Variants in LEPROT observed in about 807,000 individuals in gnomAD.
The protein encoded by LEPROT is leptin receptor gene-related protein.
LEPROT carries 3 observed loss-of-function variants against 15.4 expected under a neutral mutation model. The ratio of observed to expected loss-of-function variants is 0.19; its 90% CI spans 0.09 to 0.50. The LOEUF is 0.50. Among genes scored for constraint, LEPROT ranks in the 20% least tolerant of loss-of-function variants. The pLI is 0.97. For missense variants in LEPROT, 137 were observed against 162.2 expected, an observed-to-expected ratio of 0.84 and a Z score of 0.84; for synonymous variants, 59 against 57.5, an observed-to-expected ratio of 1.03 and a Z score of -0.12.
In LEPROT at chr1:65,432,159, C is replaced by T. The variant is rs1646494559; in HGVS notation, c.*240C>T. On this transcript the variant is annotated 3_prime_UTR_variant, in exon 4 of 4. Transcript: ENST00000371065. Reference sequence around the variant, plus strand: ...TTACTTGTTTGGCTGTTCATGTAGTCACGGTGCTCTCAGAAAATATATTAA... The same window carrying T: ...TTACTTGTTTGGCTGTTCATGTAGTTACGGTGCTCTCAGAAAATATATTAA... The T allele has an allele frequency of 6.0e-6, 7 of 1,162,544 alleles. No homozygotes were observed. The highest frequency in any genetic ancestry group is 7.4e-6 in the Non-Finnish European group (7 of 941,206). The allele number at this position is 1,162,544 out of a possible 1,614,324, so 72.0% of individuals were successfully genotyped here.
chr1:65,433,223 G>T lies in LEPROT; in HGVS notation c.*1304G>T. On this transcript the variant is annotated 3_prime_UTR_variant, in exon 4 of 4. Coordinates refer to ENST00000371065, the MANE Select transcript of LEPROT (RefSeq NM_017526.5). The stretch of plus-strand genomic sequence containing the variant: ...TTGCCCTGACTTCTCTACGGCTCTG[G>T]CTTCTTCCCGAAGAGATATAGGAGC... 1.0e-6 allele frequency: 1 copy of T among 985,374 alleles called. No homozygotes were observed. Among genetic ancestry groups the T allele is most frequent in the South Asian group, 4.7e-5 (1 of 21,282 alleles). 61.0% of individuals were successfully genotyped at this position (985,374 alleles called of 1,614,324 possible).
Position 65,433,112 on chromosome 1 carries a change from A to G in LEPROT, c.*1193A>G. On this transcript the variant is annotated 3_prime_UTR_variant, in exon 4 of 4. Transcript: ENST00000371065. ...AGCAGGAGGGGGAGAACAGATAGGTAACTCTTTTACATTTCCTTTATGATC... is the reference window on the plus strand; with the variant it reads ...AGCAGGAGGGGGAGAACAGATAGGTGACTCTTTTACATTTCCTTTATGATC... 1 of 985,366 alleles carries G rather than the reference A, an allele frequency of 1.0e-6. No individual in the cohort carries two copies. The highest frequency in any genetic ancestry group is 1.2e-6 in the Non-Finnish European group (1 of 829,932). 61.0% of individuals were successfully genotyped at this position (985,366 alleles called of 1,614,324 possible). A position where few individuals can be genotyped will look rare whatever the true frequency, so the allele number is the denominator to read the frequency against.
At chr1:65,428,756 A>C (rs888371097) in intron 2 of LEPROT, among the ~76,000 whole-genome samples, 9 of 152,228 alleles carry the variant, frequency 5.9e-5, no homozygotes, top group South Asian at 4.1e-4. Context: ...ATGAAGCATA[A>C]GAAATGTCTG....
intron 1 of LEPROT, chr1:65,421,561 C>T: frequency 7.7e-7 from 1 of 1,307,158 alleles, no homozygotes; most frequent in Non-Finnish European, 1.1e-6. Flanking sequence ...AAGATATCCC[C>T]AGTTAACATC....
chr1:65,431,743 A>C, intron 3 of LEPROT, 60 bp from the exon 4 acceptor site: 1 of 1,521,956 alleles, frequency 6.6e-7, no homozygotes, highest in Non-Finnish European at 8.9e-7. Context: ...AATAATAGGG[A>C]TTGCAAAGAG....
At position 65,420,760 on chromosome 1, in the gene LEPROT, T is replaced by C; in HGVS notation, c.16+20T>C. ...TTAAAGGTACATCGCGGTCCCCGGCTCGCTTGTCGTGTGGTGGGGTTGCCA... is the reference window on the plus strand; with the variant it reads ...TTAAAGGTACATCGCGGTCCCCGGCCCGCTTGTCGTGTGGTGGGGTTGCCA... On this transcript the variant is annotated intron_variant, in intron 1 of 3. Transcript: ENST00000371065. 6.3e-7 allele frequency: 1 copy of C among 1,576,850 alleles called. No homozygotes were observed. Among genetic ancestry groups the C allele is most frequent in the Non-Finnish European group, 8.6e-7 (1 of 1,162,966 alleles).
At position 65,420,714 on chromosome 1, in the gene LEPROT, G is replaced by A; in HGVS notation, c.-11G>A. ...GAAGCCGGAAGCAGCCGCGGCCCCA[G>A]TTCGGGAGACATGGCGGGCGTTAAA... On this transcript the variant is annotated 5_prime_UTR_variant, in exon 1 of 4. Transcript: ENST00000371065. 6.3e-7 allele frequency: 1 copy of A among 1,582,664 alleles called. No individual in the cohort carries two copies. Among genetic ancestry groups the A allele is most frequent in the Non-Finnish European group, 8.6e-7 (1 of 1,166,634 alleles).
intron 1 of LEPROT, among the ~76,000 whole-genome samples, chr1:65,422,545 A>T (rs1570408952): frequency 6.6e-6 from 1 of 152,224 alleles, no homozygotes; most frequent in African/African-American, 2.4e-5. Context: ...TGCAGGTGGG[A>T]TTGATTCCCC....
rs982595176 is a variant in LEPROT, at chr1:65,435,810, G to T, written c.*3891G>T. On this transcript the variant is annotated 3_prime_UTR_variant, in exon 4 of 4. Coordinates refer to ENST00000371065, the MANE Select transcript of LEPROT (RefSeq NM_017526.5). Reference sequence around the variant, plus strand: ...TGTCTGTAGTAGATAAATATTAGTTGTGCATTTTAATTTAATTCTCCTTTT... The same window carrying T: ...TGTCTGTAGTAGATAAATATTAGTTTTGCATTTTAATTTAATTCTCCTTTT... 5 of 982,486 alleles carry T rather than the reference G, an allele frequency of 5.1e-6. No individual in the cohort carries two copies. In the South Asian group the frequency reaches 2.4e-4, roughly 46 times the overall value. 60.9% of individuals were successfully genotyped at this position (982,486 alleles called of 1,614,324 possible).
rs1266094095 is a variant in LEPROT at position 65,435,252 on chromosome 1, G to T, written c.*3333G>T. The T allele has an allele frequency of 1.0e-6, 1 of 984,644 alleles. No homozygotes were observed. The highest frequency in any genetic ancestry group is 1.2e-6 in the Non-Finnish European group (1 of 829,532). The allele number at this position is 984,644 out of a possible 1,614,324, so 61.0% of individuals were successfully genotyped here. On this transcript the variant is annotated 3_prime_UTR_variant, in exon 4 of 4. Transcript: ENST00000371065. Reference sequence around the variant, plus strand: ...TCCTAAGGAAGTCCTTACCTCTGAGGTATCTCCTCAATGAATACTGTTTTC... The same window carrying T: ...TCCTAAGGAAGTCCTTACCTCTGAGTTATCTCCTCAATGAATACTGTTTTC...
At chr1:65,423,168 G>C (rs1646286180) in intron 1 of LEPROT, among the ~76,000 whole-genome samples, 2 of 152,168 alleles carry the variant, frequency 1.3e-5, no homozygotes, top group Admixed American at 6.5e-5. Context: ...GAGAAGTCCA[G>C]ACTGGAGGTG....
chr1:65,427,361 G>A (rs1646399335), intron 2 of LEPROT, among the ~76,000 whole-genome samples: 1 of 152,122 alleles, frequency 6.6e-6, no homozygotes, highest in African/African-American at 2.4e-5. Flanking sequence ...ATTGCTTGAA[G>A]CCAGGAGTTT....
intron 1 of LEPROT, among the ~76,000 whole-genome samples, chr1:65,424,134 ACT>A (rs1235815888): frequency 6.6e-6 from 1 of 151,816 alleles, no homozygotes; most frequent in Admixed American, 6.6e-5. Flanking sequence ...CAACCTTGAT[ACT>A]CTGTTTCTCA....
rs1199465010 is a variant in LEPROT at position 65,434,444 on chromosome 1, G to A, written c.*2525G>A. ...ATCTTATGAAGGGATTCTTTATCAT[G>A]TTTCAAACAAGTGGGTTACAAGCAG... On this transcript the variant is annotated 3_prime_UTR_variant, in exon 4 of 4. Transcript: ENST00000371065. 1.0e-6 allele frequency: 1 copy of A among 985,204 alleles called. No homozygotes were observed. The highest frequency in any genetic ancestry group is 1.7e-5 in the African/African-American group (1 of 57,180). 61.0% of individuals were successfully genotyped at this position (985,204 alleles called of 1,614,324 possible).
rs114881303 is a variant in LEPROT, at chr1:65,435,310, T to C, written c.*3391T>C. 17,430 of 985,048 alleles carry C rather than the reference T, an allele frequency of 0.018. 294 individuals are homozygous for C. Among genetic ancestry groups the C allele is most frequent in the South Asian group, 0.096 (2,051 of 21,268 alleles). The allele number at this position is 985,048 out of a possible 1,614,324, so 61.0% of individuals were successfully genotyped here. A position where few individuals can be genotyped will look rare whatever the true frequency, so the allele number is the denominator to read the frequency against. ...AAATAGTTCATTATGTTAATAACCT[T>C]CTTTATGTTCTCAGGGAAATGCTTA... On this transcript the variant is annotated 3_prime_UTR_variant, in exon 4 of 4. Coordinates refer to ENST00000371065, the MANE Select transcript of LEPROT (RefSeq NM_017526.5).
rs760919764 is a variant in LEPROT, at chr1:65,430,028, ATTC to A, written c.262_264del (p.Leu88del). 15 of 1,558,262 alleles carry A rather than the reference ATTC, an allele frequency of 9.6e-6. No individual in the cohort carries two copies. The South Asian group carries it at 1.8e-4, about 18-fold the overall frequency. On this transcript the variant is annotated inframe_deletion, in exon 3 of 4. Transcript: ENST00000371065. ...TGTTTCTGCCTTTGGATTTCCTGTT[ATTC>A]TTGCTCGTGTGGCTGTGGTAAGTTT...
In LEPROT at chr1:65,432,123, C is replaced by T; in HGVS notation, c.*204C>T. 2 of 1,257,798 alleles carry T rather than the reference C, an allele frequency of 1.6e-6. No homozygotes were observed. The highest frequency in any genetic ancestry group is 2.0e-6 in the Non-Finnish European group (2 of 1,000,236). The allele number at this position is 1,257,798 out of a possible 1,614,324, so 77.9% of individuals were successfully genotyped here. On this transcript the variant is annotated 3_prime_UTR_variant, in exon 4 of 4. Transcript: ENST00000371065. ...GACCTGTCAAATTTAGATTATGTTA[C>T]TCAAATTATGTTACTTGTTTGGCTG...
chr1:65,424,570 G>C (rs1646320652), intron 1 of LEPROT, among the ~76,000 whole-genome samples: 1 of 152,204 alleles, frequency 6.6e-6, no homozygotes, highest in South Asian at 2.1e-4. Context: ...GCAGACATGG[G>C]TCATTGTCTT....
chr1:65,427,803 A>G (rs138297197), intron 2 of LEPROT: 221 of 416,124 alleles, frequency 5.3e-4, no homozygotes, highest in African/African-American at 4.3e-3. Flanking sequence ...CACCCAGCTG[A>G]TTTTTTTTAG....
Sources: gnomAD v4.1 joint callset for allele counts (sites outside exome capture counted in the v4.1 genomes callset) on GRCh38, gnomAD v4.1.1 for gene constraint, MANE v1.5 for transcripts, NCBI Gene and HGNC (gene_info 2026-07-23, HGNC 2026-07-21) for gene names.